Variants in GGH observed in about 807,000 individuals in gnomAD.
GGH encodes gamma-Glu-X carboxypeptidase.
In GGH, 18 loss-of-function variants were observed where a neutral mutation model predicts 39.2. The observed-to-expected ratio is 0.46, with a 90% CI of 0.32 to 0.68. GGH has a LOEUF of 0.68. Among genes scored for constraint, GGH ranks in the 30% least tolerant of loss-of-function variants. The pLI, the probability that GGH is intolerant of heterozygous loss-of-function variation, is 0.04. For missense variants in GGH, 367 were observed against 384.1 expected (o/e 0.96, Z 0.37); for synonymous variants, 147 against 138.8 (o/e 1.06, Z -0.42).
rs748715651 is a variant in GGH at position 63,038,752 on chromosome 8, C to T, written c.17G>A (p.Cys6Tyr). The T allele has an allele frequency of 6.4e-6, 10 of 1,572,256 alleles. No homozygotes were observed. In the Admixed American group the frequency reaches 1.6e-4, roughly 25 times the overall value. ...TAGCAGGCCCAGCACGCACAGCAGG[C>T]AGCCCGGACTGGCCATGGCGCTCGC... Reference protein sequence around the residue: MASPGCLLCVLGLLLC... With the variant: MASPGYLLCVLGLLLC... The change falls in exon 1 of 9, where the codon TGC (cysteine) becomes TAC (tyrosine). Residue 6 changes from cysteine (C) to tyrosine (Y), a missense_variant. By Grantham distance (194) the Cys-to-Tyr change is radical (BLOSUM62 -2). Transcript: ENST00000260118.
In GGH at chr8:63,015,504, A is replaced by G. The variant is rs767524480; in HGVS notation, c.836-51T>C. On this transcript the variant is annotated intron_variant, in intron 8 of 8. Transcript: ENST00000260118. ...AAAAGATCAGATGACAAAATCTTCA[A>G]GAGACTATTTTATAATATTTCTTCC... is the stretch of plus-strand genomic sequence containing the variant. 7 of 1,209,228 alleles carry G rather than the reference A, an allele frequency of 5.8e-6. No homozygotes were observed. The Admixed American group carries it at 1.3e-4, about 23-fold the overall frequency. 74.9% of individuals were successfully genotyped at this position (1,209,228 alleles called of 1,614,324 possible). A position where few individuals can be genotyped will look rare whatever the true frequency, so the allele number is the denominator to read the frequency against.
intron 1 of GGH, 72 bp downstream of exon 1, chr8:63,038,588 C>CGGGGGGGGGG: frequency 1.3e-6 from 1 of 754,238 alleles, no homozygotes; most frequent in East Asian, 3.3e-5. Context: ...AGCTGGAGCG[C>CGGGGGGGGGG]GGCGGCGGGA....
At chr8:63,019,243 C>G (rs955817640) in intron 7 of GGH, among the ~76,000 whole-genome samples, 1 of 152,186 alleles carries the variant, frequency 6.6e-6, no homozygotes, top group African/African-American at 2.4e-5. Context: ...GTATCTTGTT[C>G]GTGTCTTAAC....
intron 2 of GGH, among the ~76,000 whole-genome samples, chr8:63,030,741 A>C (rs1369886680): frequency 2.6e-5 from 4 of 152,152 alleles, no homozygotes; most frequent in Non-Finnish European, 5.9e-5. Flanking sequence ...GATGGTTCAC[A>C]TCTAGTCTGA....
intron 2 of GGH, among the ~76,000 whole-genome samples, chr8:63,031,456 C>T (rs1804800516): frequency 1.3e-5 from 2 of 152,286 alleles, no homozygotes; most frequent in South Asian, 2.1e-4. Context: ...AGTCTAATCT[C>T]CCCAGATTGT....
chr8:63,038,535 A>C (rs1804953768), intron 1 of GGH, 125 bp downstream of exon 1: 1 of 494,104 alleles, frequency 2.0e-6, no homozygotes, highest in Non-Finnish European at 3.5e-6. Flanking sequence ...TCCTTGCACC[A>C]AAAGCGAAGC....
At chr8:63,025,688 G>A (rs1039924014) in intron 5 of GGH, among the ~76,000 whole-genome samples, 9 of 151,934 alleles carry the variant, frequency 5.9e-5, no homozygotes, top group East Asian at 5.8e-4. Flanking sequence ...CCGAGATTGC[G>A]TCACTGCGCT....
At chr8:63,035,025 C>A (rs918340982) in intron 2 of GGH, among the ~76,000 whole-genome samples, 30 of 151,992 alleles carry the variant, frequency 2.0e-4, no homozygotes, top group Middle Eastern at 6.8e-3. Context: ...TTATCCCTCA[C>A]CCCGCCCCCC....
chr8:63,026,415 C>A (rs940315896), intron 4 of GGH, 119 bp from the exon 5 acceptor site: 1 of 730,986 alleles, frequency 1.4e-6, no homozygotes, highest in African/African-American at 1.8e-5. Context: ...CTGAAGAATT[C>A]TCCAGGATCC....
Position 63,024,014 on chromosome 8 carries a change from A to C in GGH, c.607-17T>G. 2 of 1,564,230 alleles carry C rather than the reference A, an allele frequency of 1.3e-6. No individual in the cohort carries two copies. The highest frequency in any genetic ancestry group is 1.1e-5 in the South Asian group (1 of 87,014). On this transcript the variant is annotated splice_polypyrimidine_tract_variant and intron_variant, in intron 6 of 8. Coordinates refer to ENST00000260118, the MANE Select transcript of GGH (RefSeq NM_003878.3). ...TGTAAAATTCTAGAATACGAAAATA[A>C]AACAAAATGATTACTTCTGCAGTTA...
At chr8:63,023,285 C>T (rs1271088147) in intron 7 of GGH, among the ~76,000 whole-genome samples, 1 of 152,172 alleles carries the variant, frequency 6.6e-6, no homozygotes, top group Non-Finnish European at 1.5e-5. Context: ...TATTCACTGT[C>T]CCCCACCCCA....
intron 2 of GGH, among the ~76,000 whole-genome samples, chr8:63,031,607 G>A (rs1339937428): frequency 1.3e-5 from 2 of 152,190 alleles, no homozygotes; most frequent in African/African-American, 4.8e-5. Flanking sequence ...CCAGCTAGCG[G>A]TGCAAGCTAG....
intron 3 of GGH, among the ~76,000 whole-genome samples, chr8:63,028,672 A>C (rs1452638681): frequency 6.6e-6 from 1 of 152,188 alleles, no homozygotes; most frequent in Non-Finnish European, 1.5e-5. Flanking sequence ...TGAGAGAGAA[A>C]AGGGGCCTAC....
chr8:63,017,689 G>T (rs1804512544), intron 7 of GGH, 59 bp from the exon 8 acceptor site: 2 of 1,033,018 alleles, frequency 1.9e-6, no homozygotes, highest in African/African-American at 1.6e-5. Flanking sequence ...TACTTATAAT[G>T]AAATTGGTTT....
At chr8:63,017,299 T>C (rs1418819759) in intron 8 of GGH, 194 bp downstream of exon 8, 5 of 475,398 alleles carry the variant, frequency 1.1e-5, no homozygotes, top group Non-Finnish European at 1.8e-5. Flanking sequence ...GAAGTAACTG[T>C]CCTGGTTTTA....
chr8:63,027,842 C>T (rs72658371), intron 3 of GGH, among the ~76,000 whole-genome samples: 18,924 of 151,358 alleles, frequency 0.13, 1,382 homozygotes, highest in East Asian at 0.34. Context: ...CTAGAAAAAG[C>T]CTAGGAAAAG....
chr8:63,022,866 C>A (rs1804618181), intron 7 of GGH, among the ~76,000 whole-genome samples: 1 of 152,070 alleles, frequency 6.6e-6, no homozygotes, highest in Non-Finnish European at 1.5e-5. Context: ...ATTTTCAAAT[C>A]TGATTGTTTC....
At chr8:63,020,044 C>G (rs1359453324) in intron 7 of GGH, among the ~76,000 whole-genome samples, 1 of 152,150 alleles carries the variant, frequency 6.6e-6, no homozygotes, top group Non-Finnish European at 1.5e-5. Context: ...ATAAAGTTTA[C>G]AGTTTTTATT....
chr8:63,018,312 T>C lies in GGH; in HGVS notation c.698-682A>G, dbSNP rs577915507. Among the ~76,000 whole-genome samples the C allele has an allele frequency of 1.1e-4, 16 of 152,302 alleles. No homozygotes were observed. In the East Asian group the frequency reaches 2.7e-3, roughly 26 times the overall value. On this transcript the variant is annotated intron_variant, in intron 7 of 8. Coordinates refer to ENST00000260118, the MANE Select transcript of GGH (RefSeq NM_003878.3). ...AAGTGAATATGTGTAATAGTTACCTTCAGAAAAATGTACATATTTGTCTCT... is the reference window on the plus strand; with the variant it reads ...AAGTGAATATGTGTAATAGTTACCTCCAGAAAAATGTACATATTTGTCTCT...
Sources: gnomAD v4.1 joint callset for allele counts (sites outside exome capture counted in the v4.1 genomes callset) on GRCh38, gnomAD v4.1.1 for gene constraint, MANE v1.5 for transcripts, NCBI Gene and HGNC (gene_info 2026-07-23, HGNC 2026-07-21) for gene names.